Variants in TRMT9B observed in about 807,000 individuals in gnomAD.
The protein encoded by TRMT9B is tRNA methyltransferase 9B (putative).
Under a neutral mutation model 11.5 loss-of-function variants are expected in TRMT9B, and 16 were observed. That is an observed-to-expected ratio of 1.39 (90% CI 0.94 to 2.11). The LOEUF (loss-of-function observed/expected upper bound fraction) is 2.11, where lower values mean the gene tolerates loss of function less well. Ranked by LOEUF, TRMT9B falls within the 30% of genes most tolerant of loss-of-function variation. TRMT9B has a pLI of 0.00. For synonymous variants in TRMT9B, 274 were observed against 192.4 expected (o/e 1.42, Z -3.51); for missense variants, 941 against 553.8 (o/e 1.70, Z -7.02).
Position 12,973,306 on chromosome 8 carries a change from G to A in TRMT9B, c.-199-17528G>A, listed in dbSNP as rs115166705. Among the ~76,000 whole-genome samples the A allele has an allele frequency of 2.2e-3, 331 of 152,218 alleles. 2 individuals carry two copies. Among genetic ancestry groups the A allele is most frequent in the African/African-American group, 7.8e-3 (325 of 41,526 alleles). ...GGTGCCCCTTCCCTTGCCAGCACAT[G>A]CACAGCATCGTGGGAGAAGAGAAGG... On this transcript the variant is annotated intron_variant, in intron 1 of 4. Transcript: ENST00000524591.
At chr8:12,950,564 T>TC (rs1554505540) in intron 1 of TRMT9B, among the ~76,000 whole-genome samples, 1 of 151,996 alleles carries the variant, frequency 6.6e-6, no homozygotes, top group African/African-American at 2.4e-5. Flanking sequence ...TTTCTTTCTT[T>TC]TTGAATGTGA....
intron 1 of TRMT9B, chr8:12,952,784 G>A (rs1002761886): frequency 1.5e-6 from 1 of 665,342 alleles, no homozygotes; most frequent in Non-Finnish European, 1.9e-6. Flanking sequence ...CTGTCACCCA[G>A]GCTGGAGTGC....
At chr8:13,006,563 C>G in intron 3 of TRMT9B, 1 of 1,421,952 alleles carries the variant, frequency 7.0e-7, no homozygotes, top group Non-Finnish European at 9.2e-7. Flanking sequence ...TAATAGGAAT[C>G]CTGAAATTGC....
chr8:13,014,433 C>T (rs1314551229), intron 4 of TRMT9B, among the ~76,000 whole-genome samples: 1 of 152,144 alleles, frequency 6.6e-6, no homozygotes, highest in Admixed American at 6.5e-5. Context: ...TTAATTCTTG[C>T]TGCATCATCA....
chr8:13,001,655 A>G (rs1809478392), intron 2 of TRMT9B, among the ~76,000 whole-genome samples: 1 of 152,228 alleles, frequency 6.6e-6, no homozygotes, highest in Non-Finnish European at 1.5e-5. Flanking sequence ...CAGAAAGAGT[A>G]TTATAGACCC....
rs560751559 is a variant in TRMT9B at position 13,026,127 on chromosome 8, G to C, written c.*4083G>C. The C allele has an allele frequency of 1.2e-5, 2 of 167,164 alleles. No individual in the cohort carries two copies. Among genetic ancestry groups the C allele is most frequent in the South Asian group, 4.1e-4 (2 of 4,820 alleles). 10.4% of individuals were successfully genotyped at this position (167,164 alleles called of 1,614,324 possible). On this transcript the variant is annotated 3_prime_UTR_variant, in exon 5 of 5. Coordinates refer to ENST00000524591, the MANE Select transcript of TRMT9B (RefSeq NM_020844.3). ...TGAGCCCCCAGTTTTGGAGGAAGGA[G>C]GAAATGGGAACCAACCACCAGACAA...
At chr8:12,985,842 T>A (rs1320811236) in intron 1 of TRMT9B, among the ~76,000 whole-genome samples, 1 of 152,056 alleles carries the variant, frequency 6.6e-6, no homozygotes, top group Non-Finnish European at 1.5e-5. Flanking sequence ...ATGGGCTATG[T>A]ACTAGATTAA....
At position 13,028,755 on chromosome 8, in the gene TRMT9B, T is replaced by G. The variant is rs1327464139; in HGVS notation, c.*6711T>G. The G allele has an allele frequency of 6.2e-6, 1 of 161,488 alleles. No individual in the cohort carries two copies. The highest frequency in any genetic ancestry group is 2.4e-5 in the African/African-American group (1 of 41,338). 10.0% of individuals were successfully genotyped at this position (161,488 alleles called of 1,614,324 possible). A position where few individuals can be genotyped will look rare whatever the true frequency, so the allele number is the denominator to read the frequency against. On this transcript the variant is annotated 3_prime_UTR_variant, in exon 5 of 5. Transcript: ENST00000524591. ...CACTCCTGGCTAATTTTTGTATTTT[T>G]TTTTAAGTAAAGACAAACTTTCACC...
intron 2 of TRMT9B, among the ~76,000 whole-genome samples, chr8:12,996,933 C>G (rs901889575): frequency 2.1e-5 from 3 of 144,726 alleles, no homozygotes; most frequent in Non-Finnish European, 4.6e-5. Context: ...GTTTTTGTAC[C>G]TTCTTTATTT....
chr8:12,952,816 T>C (rs1800801312), intron 1 of TRMT9B: 1 of 319,698 alleles, frequency 3.1e-6, no homozygotes, highest in African/African-American at 2.2e-5. Flanking sequence ...CTCGGCTCAC[T>C]GCAACCTCCG....
At chr8:13,011,585 G>C in intron 3 of TRMT9B, 1 of 938,784 alleles carries the variant, frequency 1.1e-6, no homozygotes, top group Non-Finnish European at 1.3e-6. Flanking sequence ...CTAAGTATTA[G>C]ACTGTAGAAG....
chr8:12,986,414 C>G (rs1806316592), intron 1 of TRMT9B, among the ~76,000 whole-genome samples: 1 of 152,120 alleles, frequency 6.6e-6, no homozygotes. Context: ...ACATATTGTC[C>G]CTGTCTAGAA....
intron 3 of TRMT9B, chr8:13,011,808 A>G (rs6993033): frequency 1.4e-5 from 13 of 958,272 alleles, no homozygotes; most frequent in South Asian, 4.8e-5. Flanking sequence ...ATCATTTTAA[A>G]TGTAGCAATG....
intron 2 of TRMT9B, among the ~76,000 whole-genome samples, chr8:12,993,304 C>T (rs1258105039): frequency 2.0e-5 from 3 of 152,148 alleles, no homozygotes; most frequent in Non-Finnish European, 4.4e-5. Context: ...CCTGCACTGC[C>T]ATGAAATAGA....
In TRMT9B at chr8:13,012,868, C is replaced by T. The variant is rs569429327; in HGVS notation, c.328+11C>T. ...TCATCTCCATAGGAGGTAAGGCAGCCAGATCACACATTCACCCTTTGCCAT... is the reference window on the plus strand; with the variant it reads ...TCATCTCCATAGGAGGTAAGGCAGCTAGATCACACATTCACCCTTTGCCAT... On this transcript the variant is annotated intron_variant, in intron 4 of 4. Transcript: ENST00000524591. The T allele has an allele frequency of 6.2e-7, 1 of 1,612,346 alleles. No individual in the cohort carries two copies. Among genetic ancestry groups the T allele is most frequent in the East Asian group, 2.2e-5 (1 of 44,854 alleles).
chr8:13,010,269 T>C (rs1412925550), intron 3 of TRMT9B: 1 of 900,122 alleles, frequency 1.1e-6, no homozygotes, highest in African/African-American at 1.8e-5. Context: ...TTTTTTAAAC[T>C]ATTCAATAAA....
In TRMT9B at chr8:12,994,888, G is replaced by A. The variant is rs892993741; in HGVS notation, c.-2+3857G>A. Among the ~76,000 whole-genome samples the A allele has an allele frequency of 3.3e-5, 5 of 152,234 alleles. No individual in the cohort carries two copies. In the East Asian group the frequency reaches 5.8e-4, roughly 18 times the overall value. On this transcript the variant is annotated intron_variant, in intron 2 of 4. Transcript: ENST00000524591. Reference sequence around the variant, plus strand: ...GTAGAGACGGGGTTTCTCCATGTTGGTCAGGCTGGTCTCGAACTCTCGACC... The same window carrying A: ...GTAGAGACGGGGTTTCTCCATGTTGATCAGGCTGGTCTCGAACTCTCGACC...
chr8:13,020,708 T>A (rs780247307), intron 4 of TRMT9B, among the ~76,000 whole-genome samples: 7 of 152,202 alleles, frequency 4.6e-5, no homozygotes, highest in Admixed American at 2.6e-4. Flanking sequence ...GGAAGAGACT[T>A]TATGGATTTA....
At chr8:13,020,880 C>A in intron 4 of TRMT9B, 128 bp from the exon 5 acceptor site, 1 of 587,702 alleles carries the variant, frequency 1.7e-6, no homozygotes, top group Non-Finnish European at 2.8e-6. Context: ...TCATCGTTGC[C>A]ATGGAGGAAA....
Sources: gnomAD v4.1 joint callset for allele counts (sites outside exome capture counted in the v4.1 genomes callset) on GRCh38, gnomAD v4.1.1 for gene constraint, MANE v1.5 for transcripts, NCBI Gene and HGNC (gene_info 2026-07-23, HGNC 2026-07-21) for gene names.